The following PLEKHG4B variants were observed in gnomAD, a reference collection of about 807,000 sequenced individuals.
PLEKHG4B encodes the protein pleckstrin homology and RhoGEF domain containing G4B.
PLEKHG4B carries 111 observed loss-of-function variants against 121.3 expected under a neutral mutation model. The ratio of observed to expected loss-of-function variants is 0.92; its 90% confidence interval spans 0.78 to 1.07. The LOEUF is 1.07. Ranked by LOEUF, PLEKHG4B falls within the 50% of genes least tolerant of loss-of-function variation. PLEKHG4B has a pLI of 0.00. For synonymous variants in PLEKHG4B, 738 were observed against 725.0 expected (o/e 1.02, Z -0.29); for missense variants, 1,831 against 1,757.8 (o/e 1.04, Z -0.74).
At chr5:151,377 G>A (rs1464350348) in intron 6 of PLEKHG4B, 136 bp from the exon 7 acceptor site, 1 of 504,864 alleles carries the variant, frequency 2.0e-6, no homozygotes, top group Non-Finnish European at 3.5e-6. Flanking sequence ...TCAGGGCAAA[G>A]TCAGCCATGT....
chr5:116,828 A>C (rs1449737040), intron 2 of PLEKHG4B, among the ~76,000 whole-genome samples: 2 of 152,184 alleles, frequency 1.3e-5, no homozygotes, highest in Non-Finnish European at 2.9e-5. Flanking sequence ...GCCAGGCACA[A>C]CCTAGATTTG....
rs73020534 is a variant in PLEKHG4B at position 113,713 on chromosome 5, A to G, written c.243+265A>G. Among the ~76,000 whole-genome samples the G allele has an allele frequency of 0.026, 3,989 of 152,322 alleles. 178 individuals are homozygous for G. The highest frequency in any genetic ancestry group is 0.09 in the African/African-American group (3,736 of 41,552). ...GCACTGCATTCTTTGAAGGAAGTAA[A>G]TAAGTCATTCTTCAGAGCAGGTATC... On this transcript the variant is annotated intron_variant, in intron 2 of 19. Transcript: ENST00000637938. This position sits in a 1 kb window ranked among gnomAD's most constrained non-coding sequence, Gnocchi z 5.2.
chr5:127,492 G>T (rs892125401), intron 2 of PLEKHG4B, among the ~76,000 whole-genome samples: 1 of 151,608 alleles, frequency 6.6e-6, no homozygotes, highest in Non-Finnish European at 1.5e-5. Context: ...AATTTTCCTT[G>T]TATACATTTT....
rs1002235547 is a variant in PLEKHG4B at position 157,495 on chromosome 5, G to A, written c.2487+584G>A. On this transcript the variant is annotated intron_variant, in intron 11 of 19. Transcript: ENST00000637938. The surrounding 1 kb of genome is among the most constrained non-coding windows in gnomAD (Gnocchi z 4.6). ...GCCACACGCTGCTGGACTACAGGGT[G>A]TGAGTTGTGCACAGTGTGTGGCGTG... Among the ~76,000 whole-genome samples the A allele has an allele frequency of 1.1e-4, 16 of 152,202 alleles. No individual in the cohort carries two copies. Among genetic ancestry groups the A allele is most frequent in the African/African-American group, 3.1e-4 (13 of 41,452 alleles).
In PLEKHG4B at chr5:183,108, G is replaced by A. The variant is rs753615343; in HGVS notation, c.*785G>A. 1.1e-4 allele frequency: 17 copies of A among 152,214 alleles called. No individual in the cohort carries two copies. The highest frequency in any genetic ancestry group is 2.4e-4 in the Non-Finnish European group (16 of 68,058). 9.4% of individuals were successfully genotyped at this position (152,214 alleles called of 1,614,324 possible). A position where few individuals can be genotyped will look rare whatever the true frequency, so the allele number is the denominator to read the frequency against. On this transcript the variant is annotated 3_prime_UTR_variant, in exon 20 of 20. Transcript: ENST00000637938. ...AAAACTCCCAATCTGTGAGCATTAG[G>A]TGGAGTTCTCAGAAAATCTTGCCTC...
intron 2 of PLEKHG4B, among the ~76,000 whole-genome samples, chr5:132,068 T>C (rs1204270462): frequency 6.6e-6 from 1 of 152,190 alleles, no homozygotes; most frequent in African/African-American, 2.4e-5. Context: ...TTGTCCTCGG[T>C]GGGAGACTGA....
rs113387591 is a variant in PLEKHG4B, at chr5:162,632, A to C, written c.2650-90A>C. The C allele has an allele frequency of 5.4e-3, 5,341 of 996,422 alleles. 123 individuals carry two copies. In the African/African-American group the frequency reaches 0.061, roughly 11 times the overall value. The allele number at this position is 996,422 out of a possible 1,614,324, so 61.7% of individuals were successfully genotyped here. ...TGCTTTCTGGCCCCCTGGTCCCTGA[A>C]TAGGCTGACCTGGGGAACAGCAGGG... On this transcript the variant is annotated intron_variant, in intron 12 of 19. Transcript: ENST00000637938.
intron 6 of PLEKHG4B, among the ~76,000 whole-genome samples, chr5:146,537 C>T (rs1372507286): frequency 7.5e-5 from 11 of 146,884 alleles, no homozygotes; most frequent in Middle Eastern, 3.6e-3. Flanking sequence ...CTTCCTCTTC[C>T]CCAACCTAAA....
intron 2 of PLEKHG4B, among the ~76,000 whole-genome samples, chr5:123,530 T>G (rs749313602): frequency 6.6e-6 from 1 of 152,204 alleles, no homozygotes; most frequent in Non-Finnish European, 1.5e-5. Flanking sequence ...GATTTTTAAA[T>G]TACTGATTCA....
intron 2 of PLEKHG4B, among the ~76,000 whole-genome samples, chr5:131,900 C>T (rs1734790557): frequency 6.6e-6 from 1 of 152,122 alleles, no homozygotes; most frequent in African/African-American, 2.4e-5. Flanking sequence ...CTGTTGGCTG[C>T]ATAAATGGAA....
chr5:102,095 A>G (rs10475441), intron 1 of PLEKHG4B, among the ~76,000 whole-genome samples: 3,238 of 87,704 alleles, frequency 0.037, 166 homozygotes, highest in African/African-American at 0.097. Context: ...GAAAAAGTCT[A>G]TAGGGGAGAG....
intron 1 of PLEKHG4B, among the ~76,000 whole-genome samples, chr5:111,011 G>C (rs1047512468): frequency 6.6e-6 from 1 of 152,222 alleles, no homozygotes; most frequent in Admixed American, 6.5e-5. Flanking sequence ...GGGTTCCTCT[G>C]TCCGTACACT....
rs371832548 is a variant in PLEKHG4B, at chr5:131,563, G to T, written c.244-7920G>T. Among the ~76,000 whole-genome samples the T allele has an allele frequency of 2.7e-3, 410 of 152,178 alleles. 2 individuals carry two copies. Among genetic ancestry groups the T allele is most frequent in the African/African-American group, 9.5e-3 (395 of 41,508 alleles). On this transcript the variant is annotated intron_variant, in intron 2 of 19. Transcript: ENST00000637938. ...AGTATTTGCTGTTGTGAATAGTGCC[G>T]CAGTAAACATACGTGTGCATGTGTC... is the stretch of plus-strand genomic sequence containing the variant.
At chr5:141,465 C>T (rs952434596) in intron 3 of PLEKHG4B, among the ~76,000 whole-genome samples, 9 of 150,588 alleles carry the variant, frequency 6.0e-5, no homozygotes, top group East Asian at 4.1e-4. Context: ...GACCGTCCTC[C>T]GTGGCCTCCT....
intron 1 of PLEKHG4B, among the ~76,000 whole-genome samples, chr5:102,366 A>T (rs1733847287): frequency 6.6e-6 from 1 of 152,178 alleles, no homozygotes; most frequent in Admixed American, 6.5e-5. Context: ...CTGCTACCAA[A>T]ACCAGAATGC....
At chr5:103,133 A>G (rs1234745053) in intron 1 of PLEKHG4B, among the ~76,000 whole-genome samples, 3 of 152,062 alleles carry the variant, frequency 2.0e-5, no homozygotes, top group Admixed American at 1.3e-4. Flanking sequence ...AACCTTGTGA[A>G]CTTGCAGCCA....
At chr5:99,155 C>CA (rs555000443) in intron 1 of PLEKHG4B, among the ~76,000 whole-genome samples, 19,213 of 84,320 alleles carry the variant, frequency 0.23, 2,593 homozygotes, top group African/African-American at 0.43. Context: ...GAGTCTGTCT[C>CA]AAAAAAAAAA....
rs148138030 is a variant in PLEKHG4B, at chr5:120,866, T to C, written c.243+7418T>C. ...TCAGACAGAGACTTCTTAAAAACTA[T>C]AATAAATATATTAAATAACCTATAA... On this transcript the variant is annotated intron_variant, in intron 2 of 19. Transcript: ENST00000637938. Among the ~76,000 whole-genome samples the C allele has an allele frequency of 8.9e-3, 1,358 of 152,294 alleles. 23 individuals carry two copies. Among genetic ancestry groups the C allele is most frequent in the Admixed American group, 0.031 (482 of 15,308 alleles).
intron 1 of PLEKHG4B, among the ~76,000 whole-genome samples, chr5:109,459 G>A (rs1459632152): frequency 1.4e-5 from 2 of 144,110 alleles, no homozygotes; most frequent in South Asian, 2.2e-4. Flanking sequence ...TGAATTAAAA[G>A]TACCTCCCAT....
Sources: gnomAD v4.1 joint callset for allele counts (sites outside exome capture counted in the v4.1 genomes callset) on GRCh38, gnomAD v4.1.1 for gene constraint, Gnocchi (gnomAD v3.1) non-coding constraint, MANE v1.5 for transcripts, NCBI Gene and HGNC (gene_info 2026-07-23, HGNC 2026-07-21) for gene names.